The following TASP1 variants were observed in gnomAD, a reference collection of about 807,000 sequenced individuals.
The protein encoded by TASP1 is taspase 1.
TASP1 carries 16 observed loss-of-function variants against 56.6 expected under a neutral mutation model. The observed-to-expected ratio is 0.28, with a 90% CI of 0.19 to 0.43. TASP1 has a LOEUF of 0.43. TASP1 is among the 20% of genes least tolerant of loss of function. The probability of loss-of-function intolerance (pLI) is 1.00; values close to 1 mark genes in which losing one functional copy is unlikely to be tolerated. For synonymous variants in TASP1, 179 were observed against 184.2 expected, an observed-to-expected ratio of 0.97 and a Z score of 0.23; for missense variants, 393 against 511.6, an observed-to-expected ratio of 0.77 and a Z score of 2.24.
At chr20:13,219,290 T>C in the TASP1 span, among the ~76,000 whole-genome samples, 2 of 152,186 alleles carry the variant, frequency 1.3e-5, no homozygotes, top group Non-Finnish European at 1.5e-5. Context: ...CATCTTAATT[T>C]ATACATTCTA....
intron 10 of TASP1, among the ~76,000 whole-genome samples, chr20:13,488,421 C>CA (rs202190632): frequency 5.3e-5 from 8 of 151,500 alleles, no homozygotes; most frequent in East Asian, 3.9e-4. Flanking sequence ...GATGCTATGG[C>CA]AAAAAAAACA....
intron 4 of TASP1, among the ~76,000 whole-genome samples, chr20:13,590,140 G>A (rs1008263894): frequency 6.6e-6 from 1 of 152,142 alleles, no homozygotes; most frequent in African/African-American, 2.4e-5. Flanking sequence ...GCTGAGGCAC[G>A]AGAATCGCTT....
the TASP1 span, among the ~76,000 whole-genome samples, chr20:13,194,076 G>A: frequency 1.8e-4 from 28 of 152,146 alleles, no homozygotes; most frequent in Non-Finnish European, 3.8e-4. Flanking sequence ...AATGAAAACA[G>A]AAAAATGTAA....
rs570987357 is a variant in TASP1, at chr20:13,507,493, G to T, written c.874+20940C>A. ...TCCATTGAGCCATGATTGTGCAACT[G>T]TACTCCAGCCTGGGTGACACAGTGA... is the stretch of plus-strand genomic sequence containing the variant. On this transcript the variant is annotated intron_variant, in intron 10 of 13. Transcript: ENST00000337743. 5.5e-4 allele frequency among the ~76,000 whole-genome samples: 83 copies of T among 152,150 alleles called. 2 individuals carry two copies. In the South Asian group the frequency reaches 0.016, roughly 29 times the overall value.
At chr20:13,443,978 C>T (rs1313214845) in intron 11 of TASP1, among the ~76,000 whole-genome samples, 1 of 152,130 alleles carries the variant, frequency 6.6e-6, no homozygotes, top group African/African-American at 2.4e-5. Flanking sequence ...AACAAAGAGC[C>T]AAGGAACCAG....
chr20:13,473,812 A>T (rs1016027125), intron 11 of TASP1, among the ~76,000 whole-genome samples: 1 of 152,102 alleles, frequency 6.6e-6, no homozygotes, highest in Non-Finnish European at 1.5e-5. Flanking sequence ...GTGGCTCACA[A>T]CTGTAATCCC....
intron 10 of TASP1, among the ~76,000 whole-genome samples, chr20:13,517,617 T>C (rs1423597745): frequency 6.6e-6 from 1 of 151,936 alleles, no homozygotes; most frequent in Admixed American, 6.6e-5. Flanking sequence ...AGGAAAAAAA[T>C]CTACTCATTT....
At chr20:13,179,710 T>C in the TASP1 span, among the ~76,000 whole-genome samples, 2 of 152,030 alleles carry the variant, frequency 1.3e-5, no homozygotes, top group East Asian at 1.9e-4. Context: ...GGAGTGCCCG[T>C]CACACAGGGT....
intron 11 of TASP1, among the ~76,000 whole-genome samples, chr20:13,451,053 G>A (rs774004632): frequency 1.3e-5 from 2 of 152,036 alleles, no homozygotes; most frequent in East Asian, 1.9e-4. Flanking sequence ...ACCCTTGGAC[G>A]ACCAGGTGCA....
At chr20:13,188,692 T>C in the TASP1 span, among the ~76,000 whole-genome samples, 1 of 152,120 alleles carries the variant, frequency 6.6e-6, no homozygotes, top group African/African-American at 2.4e-5. Context: ...ACAATCCTAA[T>C]ATTCATACAG....
chr20:13,613,641 C>T (rs2147457821), intron 4 of TASP1, among the ~76,000 whole-genome samples: 1 of 152,120 alleles, frequency 6.6e-6, no homozygotes, highest in East Asian at 1.9e-4. Flanking sequence ...TGAACATTTT[C>T]ACCCAAATAC....
chr20:13,302,559 A>G, the TASP1 span, among the ~76,000 whole-genome samples: 11 of 152,208 alleles, frequency 7.2e-5, no homozygotes, highest in African/African-American at 1.7e-4. Context: ...GCAGTAGATC[A>G]TCTGCTCAAG....
chr20:13,525,992 C>T (rs2044964430), intron 10 of TASP1, among the ~76,000 whole-genome samples: 1 of 152,112 alleles, frequency 6.6e-6, no homozygotes, highest in South Asian at 2.1e-4. Flanking sequence ...TCAACTGACA[C>T]AGGATAGGCA....
At chr20:13,591,076 G>C (rs1292358050) in intron 4 of TASP1, among the ~76,000 whole-genome samples, 2 of 151,224 alleles carry the variant, frequency 1.3e-5, no homozygotes, top group Admixed American at 1.3e-4. Context: ...AGAAAAGGAG[G>C]AGGAAAAGAA....
chr20:13,620,970 G>C (rs1374240315), intron 4 of TASP1, among the ~76,000 whole-genome samples: 1 of 152,200 alleles, frequency 6.6e-6, no homozygotes, highest in East Asian at 1.9e-4. Context: ...ACTGCAGGGG[G>C]AAGTATAAGC....
intron 12 of TASP1, among the ~76,000 whole-genome samples, chr20:13,419,118 T>A (rs1207495048): frequency 6.6e-6 from 1 of 152,216 alleles, no homozygotes; most frequent in African/African-American, 2.4e-5. Context: ...CTAAAAGCCA[T>A]GACTTTGATA....
intron 8 of TASP1, among the ~76,000 whole-genome samples, chr20:13,554,532 G>C (rs1363579457): frequency 6.6e-6 from 1 of 151,300 alleles, no homozygotes; most frequent in Non-Finnish European, 1.5e-5. Flanking sequence ...AAAAATCAAT[G>C]CAATAAAAAA....
At chr20:13,515,950 G>T (rs946155645) in intron 10 of TASP1, among the ~76,000 whole-genome samples, 4 of 152,212 alleles carry the variant, frequency 2.6e-5, no homozygotes, top group African/African-American at 9.6e-5. Context: ...GGAACTATTT[G>T]ATTTATGTTA....
rs548966462 is a variant in TASP1 at position 13,587,266 on chromosome 20, T to A, written c.387A>T (p.Ala129=). 1.9e-6 allele frequency: 3 copies of A among 1,612,692 alleles called. No homozygotes were observed. The highest frequency in any genetic ancestry group is 2.2e-5 in the East Asian group (1 of 44,736). ...IMDGKSLNFG[A]VGALSGIKNP... The stretch of plus-strand genomic sequence containing the variant: ...CCCACATACCACTCAGTGCTCCAAC[T>A]GCTCCAAAATTTAAGGATTTTCCAT... Residue 129 remains alanine (A), a synonymous_variant, in exon 5 of 14, where the codon GCA becomes GCT. Coordinates refer to ENST00000337743, the MANE Select transcript of TASP1 (RefSeq NM_017714.3).
Sources: allele counts gnomAD v4.1 joint callset (sites outside exome capture counted in the v4.1 genomes callset), GRCh38; gene constraint gnomAD v4.1.1; transcripts MANE v1.5; gene names NCBI Gene and HGNC (gene_info 2026-07-23, HGNC 2026-07-21).